ARL8B: variants seen among roughly 807,000 people sequenced by gnomAD.
ARL8B encodes the protein ADP-ribosylation factor-like protein 8B.
A neutral mutation model predicts 30.6 loss-of-function variants in ARL8B; 9 were observed. The observed-to-expected ratio is 0.29, with a 90% CI of 0.18 to 0.51. The LOEUF is 0.51. ARL8B is among the 20% of genes least tolerant of loss of function. ARL8B has a pLI of 0.97. For synonymous variants in ARL8B, 74 were observed against 76.0 expected (o/e 0.97, Z 0.14); for missense variants, 130 against 227.2 (o/e 0.57, Z 2.75).
rs58230539 is a variant in ARL8B, at chr3:5,162,987, C to CTTTTTTT, written c.124-7504_124-7498dup. ...GTGTGTACTCAGTGTTTAGCTCCCA[C>CTTTTTTT]TTTTTTTTTTTTTTTTTTGAGACGG... On this transcript the variant is annotated intron_variant, in intron 1 of 6. Coordinates refer to ENST00000256496, the MANE Select transcript of ARL8B (RefSeq NM_018184.3). 5.1e-3 allele frequency among the ~76,000 whole-genome samples: 647 copies of CTTTTTTT among 125,780 alleles called. 36 individuals are homozygous for CTTTTTTT. Among genetic ancestry groups the CTTTTTTT allele is most frequent in the African/African-American group, 0.02 (618 of 31,182 alleles). The allele number at this position is 125,780 out of a possible 152,430, so 82.5% of individuals were successfully genotyped here.
chr3:5,133,533 TTGAA>T (rs2054301122), intron 1 of ARL8B, among the ~76,000 whole-genome samples: 1 of 152,076 alleles, frequency 6.6e-6, no homozygotes, highest in Non-Finnish European at 1.5e-5. Context: ...AAAGATTTGA[TTGAA>T]TGGTGGGGAA....
chr3:5,176,871 T>G (rs530079929), intron 6 of ARL8B, among the ~76,000 whole-genome samples: 6 of 152,334 alleles, frequency 3.9e-5, no homozygotes, highest in Non-Finnish European at 8.8e-5. Context: ...TGACAATGTC[T>G]GGAGACATTT....
intron 1 of ARL8B, among the ~76,000 whole-genome samples, chr3:5,150,459 T>C (rs914697718): frequency 1.3e-5 from 2 of 149,932 alleles, no homozygotes; most frequent in African/African-American, 2.5e-5. Flanking sequence ...CGAGAATCCA[T>C]GTCAAAATAA....
intron 1 of ARL8B, among the ~76,000 whole-genome samples, chr3:5,154,614 C>G (rs888797069): frequency 6.6e-6 from 1 of 152,194 alleles, no homozygotes; most frequent in Non-Finnish European, 1.5e-5. Context: ...ACCATTACTG[C>G]TATCCATCTC....
intron 1 of ARL8B, among the ~76,000 whole-genome samples, chr3:5,160,963 G>T (rs1456570622): frequency 1.3e-5 from 2 of 152,158 alleles, no homozygotes; most frequent in African/African-American, 4.8e-5. Context: ...CTGTCCTCCA[G>T]GGTAGAGTGC....
intron 1 of ARL8B, among the ~76,000 whole-genome samples, chr3:5,168,665 C>G (rs1242923066): frequency 6.6e-6 from 1 of 152,188 alleles, no homozygotes; most frequent in Non-Finnish European, 1.5e-5. Flanking sequence ...AGGGAGGGCC[C>G]TTGAGTGTTA....
At chr3:5,134,469 C>T (rs1444672341) in intron 1 of ARL8B, among the ~76,000 whole-genome samples, 1 of 152,094 alleles carries the variant, frequency 6.6e-6, no homozygotes, top group Non-Finnish European at 1.5e-5. Flanking sequence ...CTGGAAAGTG[C>T]CTGGCTTAGG....
intron 1 of ARL8B, chr3:5,157,158 A>C (rs900715535): frequency 2.0e-5 from 3 of 152,172 alleles, no homozygotes; most frequent in African/African-American, 7.2e-5. Context: ...TGCTGGTGCT[A>C]TTTGGGTCAT....
intron 1 of ARL8B, among the ~76,000 whole-genome samples, chr3:5,129,037 C>T (rs376914648): frequency 1.3e-5 from 2 of 152,234 alleles, no homozygotes; most frequent in Admixed American, 1.3e-4. Flanking sequence ...TCCTATTGTA[C>T]TCAATTTGAT....
chr3:5,166,396 G>T (rs1004711577), intron 1 of ARL8B, among the ~76,000 whole-genome samples: 2 of 140,316 alleles, frequency 1.4e-5, no homozygotes, highest in Non-Finnish European at 3.0e-5. Flanking sequence ...AGGCTGGAGT[G>T]CAGTGGTGCC....
chr3:5,123,454 C>T (rs530810168), intron 1 of ARL8B, among the ~76,000 whole-genome samples: 1 of 152,108 alleles, frequency 6.6e-6, no homozygotes, highest in Non-Finnish European at 1.5e-5. Context: ...GTGATTGTTT[C>T]GTTTTGCTTG....
At chr3:5,124,019 G>A (rs2054206655) in intron 1 of ARL8B, among the ~76,000 whole-genome samples, 2 of 151,976 alleles carry the variant, frequency 1.3e-5, no homozygotes, top group South Asian at 2.1e-4. Flanking sequence ...GATTACAGAC[G>A]TCCTCCACCA....
intron 1 of ARL8B, among the ~76,000 whole-genome samples, chr3:5,151,648 G>A (rs2054484823): frequency 6.6e-6 from 1 of 152,000 alleles, no homozygotes; most frequent in Non-Finnish European, 1.5e-5. Context: ...ATTCCATTAT[G>A]GTGAAAGAAC....
At position 5,122,296 on chromosome 3, in the gene ARL8B, G is replaced by C; in HGVS notation, c.-170G>C. On this transcript the variant is annotated 5_prime_UTR_variant, in exon 1 of 7. The change abolishes an upstream ATG in the 5' untranslated region. Coordinates refer to ENST00000256496, the MANE Select transcript of ARL8B (RefSeq NM_018184.3). ...GCGTGGGGGGTAGGGCGAGTCATATGATCCGCTCGGCTTCCTGGGTCTGGC... is the reference window on the plus strand; with the variant it reads ...GCGTGGGGGGTAGGGCGAGTCATATCATCCGCTCGGCTTCCTGGGTCTGGC... 1 of 1,501,648 alleles carries C rather than the reference G, an allele frequency of 6.7e-7. No homozygotes were observed. The highest frequency in any genetic ancestry group is 8.9e-7 in the Non-Finnish European group (1 of 1,126,180). 93.0% of individuals were successfully genotyped at this position (1,501,648 alleles called of 1,614,324 possible).
At chr3:5,167,894 TATA>T (rs1239931901) in intron 1 of ARL8B, among the ~76,000 whole-genome samples, 8 of 152,244 alleles carry the variant, frequency 5.3e-5, no homozygotes, top group Non-Finnish European at 1.0e-4. Flanking sequence ...ACTGAGTGGT[TATA>T]GTTGTTCAAC....
At chr3:5,129,479 G>A (rs2054262192) in intron 1 of ARL8B, among the ~76,000 whole-genome samples, 1 of 152,144 alleles carries the variant, frequency 6.6e-6, no homozygotes, top group Admixed American at 6.6e-5. Flanking sequence ...CTCTGTTTGT[G>A]TTTAATATAT....
intron 1 of ARL8B, among the ~76,000 whole-genome samples, chr3:5,123,611 A>G (rs1300780147): frequency 6.6e-6 from 1 of 152,214 alleles, no homozygotes; most frequent in Non-Finnish European, 1.5e-5. Context: ...AGATGGCAGC[A>G]GTTCTTCCAC....
At chr3:5,167,909 C>G (rs1463229114) in intron 1 of ARL8B, among the ~76,000 whole-genome samples, 2 of 152,050 alleles carry the variant, frequency 1.3e-5, no homozygotes, top group African/African-American at 2.4e-5. Flanking sequence ...TTGTTCAACA[C>G]AAGCTTTGAA....
At chr3:5,176,374 T>G (rs1423888009) in intron 6 of ARL8B, among the ~76,000 whole-genome samples, 1 of 152,020 alleles carries the variant, frequency 6.6e-6, no homozygotes, top group Non-Finnish European at 1.5e-5. Context: ...GGGATTACAG[T>G]TGCCCACTAC....
Sources: gnomAD v4.1 joint callset for allele counts (sites outside exome capture counted in the v4.1 genomes callset) on GRCh38, gnomAD v4.1.1 for gene constraint, MANE v1.5 for transcripts, NCBI Gene and HGNC (gene_info 2026-07-23, HGNC 2026-07-21) for gene names.